PDZD2: variants seen among roughly 807,000 people sequenced by gnomAD.
The protein encoded by PDZD2 is PDZ domain containing 2.
Under a neutral mutation model 220.7 loss-of-function variants are expected in PDZD2, and 90 were observed. The observed-to-expected ratio is 0.41, with a 90% confidence interval of 0.34 to 0.49. The LOEUF is 0.49. Ranked by LOEUF, PDZD2 falls within the 20% of genes least tolerant of loss-of-function variation. The pLI, the probability that PDZD2 is intolerant of heterozygous loss-of-function variation, is 0.28. For missense variants in PDZD2, 3,174 were observed against 3,608.5 expected (o/e 0.88, Z 3.08); for synonymous variants, 1,375 against 1,450.5 (o/e 0.95, Z 1.18).
At chr5:32,044,260 C>T (rs1317708498) in intron 7 of PDZD2, among the ~76,000 whole-genome samples, 3 of 152,028 alleles carry the variant, frequency 2.0e-5, no homozygotes, top group Non-Finnish European at 4.4e-5. Flanking sequence ...ACCCAGGAAG[C>T]GGAGGTTTCA....
intron 1 of PDZD2, among the ~76,000 whole-genome samples, chr5:31,671,861 T>C (rs768605790): frequency 7.2e-5 from 11 of 152,184 alleles, no homozygotes; most frequent in Non-Finnish European, 1.3e-4. Context: ...TTTAAAGGGC[T>C]TGCCTCTCTG....
intron 19 of PDZD2, among the ~76,000 whole-genome samples, chr5:32,080,349 A>C (rs1007030642): frequency 2.6e-4 from 33 of 126,834 alleles, no homozygotes; most frequent in Non-Finnish European, 1.7e-5. Context: ...CTCCATCTCA[A>C]AAAAAAAAAA....
In PDZD2 at chr5:31,957,250, A is replaced by G. The variant is rs1747792951; in HGVS notation, c.477-25905A>G. On this transcript the variant is annotated intron_variant, in intron 2 of 24. Transcript: ENST00000438447. ...TCTCTGCAGTGTGTTTAGTGAGGAG[A>G]CCAGCTGAAATGACAGCACACTTAA... 2.6e-5 allele frequency among the ~76,000 whole-genome samples: 4 copies of G among 152,084 alleles called. No homozygotes were observed. The South Asian group carries it at 8.3e-4, about 32-fold the overall frequency.
intron 21 of PDZD2, among the ~76,000 whole-genome samples, chr5:32,094,936 T>C (rs1743508019): frequency 6.6e-6 from 1 of 152,078 alleles, no homozygotes; most frequent in Non-Finnish European, 1.5e-5. Flanking sequence ...TAAAAGGGAA[T>C]AGCCCCTCAT....
intron 1 of PDZD2, among the ~76,000 whole-genome samples, chr5:31,748,863 A>G (rs1207160448): frequency 6.6e-6 from 1 of 152,182 alleles, no homozygotes; most frequent in African/African-American, 2.4e-5. Flanking sequence ...TTGCAATTCC[A>G]GTGGGGCTGG....
intron 10 of PDZD2, among the ~76,000 whole-genome samples, chr5:32,057,224 G>A (rs1330794621): frequency 6.6e-6 from 1 of 152,136 alleles, no homozygotes; most frequent in Non-Finnish European, 1.5e-5. Context: ...CTCTGTGCTT[G>A]GGGAACTTGT....
chr5:32,028,678 T>TTG (rs1561389621), intron 6 of PDZD2, among the ~76,000 whole-genome samples: 1 of 136,188 alleles, frequency 7.3e-6, no homozygotes. Context: ...TTTTTTTGTT[T>TTG]TTTTTGTTTT....
At chr5:31,715,299 A>C (rs960931546) in intron 1 of PDZD2, among the ~76,000 whole-genome samples, 4 of 152,130 alleles carry the variant, frequency 2.6e-5, no homozygotes, top group Admixed American at 2.6e-4. Context: ...TCTTCCCTGG[A>C]GACAAACACA....
At chr5:31,837,260 T>C (rs756264289) in intron 2 of PDZD2, among the ~76,000 whole-genome samples, 1 of 152,122 alleles carries the variant, frequency 6.6e-6, no homozygotes, top group Non-Finnish European at 1.5e-5. Flanking sequence ...ACACACACTT[T>C]GCTGACGAGA....
At chr5:31,758,924 C>T (rs1337622807) in intron 1 of PDZD2, among the ~76,000 whole-genome samples, 2 of 152,134 alleles carry the variant, frequency 1.3e-5, no homozygotes, top group African/African-American at 4.8e-5. Context: ...CCTCCACATG[C>T]GTTCCCTGGC....
intron 1 of PDZD2, among the ~76,000 whole-genome samples, chr5:31,752,922 C>T (rs902319896): frequency 6.6e-6 from 1 of 152,072 alleles, no homozygotes; most frequent in Non-Finnish European, 1.5e-5. Context: ...AGCTGAAATG[C>T]TCACAGTGAA....
At position 32,041,165 on chromosome 5, in the gene PDZD2, C is replaced by T. The variant is rs1238923023; in HGVS notation, c.1519+3823C>T. 6.2e-5 allele frequency among the ~76,000 whole-genome samples: 9 copies of T among 145,256 alleles called. No homozygotes were observed. In the East Asian group the frequency reaches 1.5e-3, roughly 24 times the overall value. On this transcript the variant is annotated intron_variant, in intron 7 of 24. Transcript: ENST00000438447. ...GGGGAGCGCCTCTGCCCGGCCGCCC[C>T]GTCTGGGAAGTGGGGAGCGCCTCTG... is the stretch of plus-strand genomic sequence containing the variant.
At chr5:31,997,873 C>G (rs894423929) in intron 4 of PDZD2, among the ~76,000 whole-genome samples, 2 of 152,118 alleles carry the variant, frequency 1.3e-5, no homozygotes, top group Admixed American at 6.6e-5. Flanking sequence ...GGTGAAGTCT[C>G]GCTCTGTTGC....
At chr5:32,023,674 T>C (rs4867103) in intron 6 of PDZD2, among the ~76,000 whole-genome samples, 143,900 of 152,252 alleles carry the variant, frequency 0.95, 68,241 homozygotes, top group Non-Finnish European at 0.97. Flanking sequence ...TCCTTCCCTT[T>C]CACTTACTAA....
chr5:31,722,754 A>G (rs1333633923), intron 1 of PDZD2, among the ~76,000 whole-genome samples: 3 of 151,828 alleles, frequency 2.0e-5, no homozygotes, highest in Non-Finnish European at 4.4e-5. Flanking sequence ...CTGTGGCGCA[A>G]TCTCAGCTCA....
chr5:31,699,699 G>A (rs1334415923), intron 1 of PDZD2, among the ~76,000 whole-genome samples: 2 of 151,934 alleles, frequency 1.3e-5, no homozygotes, highest in Non-Finnish European at 2.9e-5. Flanking sequence ...CACCTCCCGG[G>A]TTCAAGCAGT....
At chr5:31,963,730 A>G (rs555348705) in intron 2 of PDZD2, among the ~76,000 whole-genome samples, 74 of 152,338 alleles carry the variant, frequency 4.9e-4, no homozygotes, top group Non-Finnish European at 7.2e-4. Flanking sequence ...GAAGCAAAAC[A>G]AGAGTCCAAC....
In PDZD2 at chr5:32,072,215, G is replaced by C. The variant is rs1397978061; in HGVS notation, c.2623G>C (p.Gly875Arg). Residue 875 changes from glycine to arginine, a missense_variant, in exon 17 of 25, where the codon GGC (glycine) becomes CGC (arginine). Physicochemically the swap from Gly to Arg is moderately radical, Grantham distance 125. Around this residue, in one of 4 missense-constraint regions of PDZD2, gnomAD observed 1,861 missense variants for 2,001.0 expected, o/e 0.93. Transcript: ENST00000438447. ...CCAGTACTTTGCCCACGATGTCCCT[G>C]GCCCCTTGTCAGACTTCATGGTGGC... ...LSQYFAHDVP[G>R]PLSDFMVAGS... The C allele has an allele frequency of 1.2e-6, 2 of 1,613,434 alleles. No homozygotes were observed.
At chr5:31,882,725 C>A (rs1005702698) in intron 2 of PDZD2, among the ~76,000 whole-genome samples, 1 of 151,978 alleles carries the variant, frequency 6.6e-6, no homozygotes, top group East Asian at 1.9e-4. Context: ...TTGAAACCTA[C>A]AATTTAAAAG....
Sources: allele counts gnomAD v4.1 joint callset (sites outside exome capture counted in the v4.1 genomes callset), GRCh38; gene constraint gnomAD v4.1.1; regional missense constraint gnomAD v4.1.1; transcripts MANE v1.5; gene names NCBI Gene and HGNC (gene_info 2026-07-23, HGNC 2026-07-21).